Variants in NCAM2 observed in about 807,000 individuals in gnomAD.
NCAM2 encodes the protein N-CAM-2.
NCAM2 carries 30 observed loss-of-function variants against 98.1 expected under a neutral mutation model. The observed-to-expected ratio is 0.31, with a 90% CI of 0.23 to 0.41. NCAM2 has a LOEUF of 0.41. Ranked by LOEUF, NCAM2 falls within the 10% of genes least tolerant of loss-of-function variation. NCAM2 has a pLI of 1.00. For missense variants in NCAM2, 867 were observed against 1,005.8 expected (o/e 0.86, Z 1.87); for synonymous variants, 368 against 342.4 (o/e 1.07, Z -0.83).
chr21:21,396,756 A>G (rs115266310), intron 9 of NCAM2, among the ~76,000 whole-genome samples: 1,922 of 152,270 alleles, frequency 0.013, 43 homozygotes, highest in African/African-American at 0.044. Flanking sequence ...GACCAGGGGA[A>G]TGCAGTGGTG....
At chr21:21,153,944 A>T (rs1188855438) in intron 1 of NCAM2, among the ~76,000 whole-genome samples, 4 of 151,902 alleles carry the variant, frequency 2.6e-5, no homozygotes, top group Non-Finnish European at 5.9e-5. Flanking sequence ...TTCAAAGTGT[A>T]TTCTTAATTT....
chr21:21,126,465 G>T (rs1236284100), intron 1 of NCAM2, among the ~76,000 whole-genome samples: 1 of 151,678 alleles, frequency 6.6e-6, no homozygotes, highest in Non-Finnish European at 1.5e-5. Flanking sequence ...TGATGTATTT[G>T]TTTATATTCC....
At chr21:21,455,893 T>C (rs918853010) in intron 12 of NCAM2, among the ~76,000 whole-genome samples, 3 of 152,090 alleles carry the variant, frequency 2.0e-5, no homozygotes, top group African/African-American at 7.2e-5. Context: ...AATGGAGATA[T>C]CTGGGTTAAC....
At chr21:21,013,907 A>T (rs1045920103) in intron 1 of NCAM2, among the ~76,000 whole-genome samples, 1 of 152,268 alleles carries the variant, frequency 6.6e-6, no homozygotes, top group Non-Finnish European at 1.5e-5. Flanking sequence ...CAAGTTATTC[A>T]GAAATTCTAG....
chr21:21,243,921 T>C (rs926063901), intron 1 of NCAM2, among the ~76,000 whole-genome samples: 1 of 152,226 alleles, frequency 6.6e-6, no homozygotes. Flanking sequence ...AGTTACTGTA[T>C]GCCCATAAGG....
At chr21:21,293,948 T>C (rs2073385533) in intron 5 of NCAM2, among the ~76,000 whole-genome samples, 1 of 151,570 alleles carries the variant, frequency 6.6e-6, no homozygotes, top group African/African-American at 2.4e-5. Context: ...TTTCCTATTA[T>C]TGTTATTATA....
intron 1 of NCAM2, among the ~76,000 whole-genome samples, chr21:21,009,611 A>G (rs1838926955): frequency 2.6e-5 from 4 of 152,018 alleles, no homozygotes; most frequent in Admixed American, 2.6e-4. Flanking sequence ...AGGTATAATT[A>G]ACTAGATTAG....
intron 16 of NCAM2, among the ~76,000 whole-genome samples, chr21:21,524,423 GAA>G (rs34970781): frequency 7.4e-4 from 95 of 129,026 alleles, no homozygotes; most frequent in Middle Eastern, 4.1e-3. Context: ...TCAGCAAGCA[GAA>G]AAAAAAAAAA....
chr21:21,059,074 CTCTT>C (rs932256821), intron 1 of NCAM2, among the ~76,000 whole-genome samples: 12 of 152,148 alleles, frequency 7.9e-5, no homozygotes, highest in Non-Finnish European at 1.0e-4. Flanking sequence ...TTTATATTAA[CTCTT>C]TATTAATCTA....
intron 15 of NCAM2, among the ~76,000 whole-genome samples, chr21:21,489,489 G>T: frequency 6.7e-6 from 1 of 150,014 alleles, no homozygotes; most frequent in Non-Finnish European, 1.5e-5. Context: ...CTAAATTTTT[G>T]GCCATGAATG....
At chr21:21,530,075 A>G (rs1989542129) in intron 16 of NCAM2, among the ~76,000 whole-genome samples, 1 of 144,668 alleles carries the variant, frequency 6.9e-6, no homozygotes, top group Admixed American at 7.1e-5. Context: ...TTTAAATAAA[A>G]TTATATAATT....
At chr21:21,415,114 G>A (rs114788272) in intron 10 of NCAM2, among the ~76,000 whole-genome samples, 2,018 of 151,982 alleles carry the variant, frequency 0.013, 56 homozygotes, top group African/African-American at 0.046. Flanking sequence ...TTTTCATAAC[G>A]ATAAATGAAT....
chr21:21,510,643 T>C (rs1204349597), intron 16 of NCAM2, among the ~76,000 whole-genome samples: 4 of 152,090 alleles, frequency 2.6e-5, no homozygotes, highest in Non-Finnish European at 5.9e-5. Context: ...CATTGTATCA[T>C]TTACACCTTA....
chr21:21,421,397 AT>A (rs2077108210), intron 11 of NCAM2, among the ~76,000 whole-genome samples: 1 of 143,672 alleles, frequency 7.0e-6, no homozygotes, highest in Admixed American at 7.2e-5. Flanking sequence ...TTTTTTGAAT[AT>A]TTTTCAGCAA....
chr21:21,418,331 T>G (rs2145956188), intron 10 of NCAM2, 142 bp from the exon 11 acceptor site: 1 of 627,022 alleles, frequency 1.6e-6, no homozygotes, highest in South Asian at 2.1e-5. Flanking sequence ...TAATGCTTAC[T>G]TAATAAAGAA....
chr21:21,280,758 A>C (rs556370385), intron 2 of NCAM2, 106 bp downstream of exon 2: 2 of 696,248 alleles, frequency 2.9e-6, no homozygotes, highest in Non-Finnish European at 4.5e-6. Flanking sequence ...TCTAACAATA[A>C]CATCTTACAG....
intron 8 of NCAM2, among the ~76,000 whole-genome samples, chr21:21,345,089 C>G (rs1215345851): frequency 6.6e-6 from 1 of 152,056 alleles, no homozygotes; most frequent in Non-Finnish European, 1.5e-5. Context: ...CCCTCTAAAG[C>G]AAATACAACT....
chr21:21,367,118 A>G (rs533089124), intron 8 of NCAM2, among the ~76,000 whole-genome samples: 2 of 152,098 alleles, frequency 1.3e-5, no homozygotes, highest in East Asian at 3.9e-4. Flanking sequence ...TCATAATATA[A>G]TTTGGCTCAT....
At chr21:21,294,567 G>T (rs897777889) in intron 5 of NCAM2, among the ~76,000 whole-genome samples, 1 of 151,606 alleles carries the variant, frequency 6.6e-6, no homozygotes, top group Non-Finnish European at 1.5e-5. Context: ...TTCCCTTTAG[G>T]ATCACAAACT....
Sources: allele counts gnomAD v4.1 joint callset (sites outside exome capture counted in the v4.1 genomes callset), GRCh38; gene constraint gnomAD v4.1.1; transcripts MANE v1.5; gene names NCBI Gene and HGNC (gene_info 2026-07-23, HGNC 2026-07-21).